DST: variants seen among roughly 807,000 people sequenced by gnomAD.
DST encodes the protein bullous pemphigoid antigen.
A neutral mutation model predicts 875.2 loss-of-function variants in DST; 253 were observed. That is an observed-to-expected ratio of 0.29 (90% CI 0.26 to 0.32). The LOEUF (loss-of-function observed/expected upper bound fraction) is 0.32. DST is among the 10% of genes least tolerant of loss of function. The pLI, the probability that DST is intolerant of heterozygous loss-of-function variation, is 1.00. For synonymous variants in DST, 3,124 were observed against 3,197.1 expected (o/e 0.98, Z 0.77); for missense variants, 8,287 against 9,111.6 (o/e 0.91, Z 3.68).
At chr6:56,688,068 C>T (rs1490686584) in intron 9 of DST, among the ~76,000 whole-genome samples, 1 of 152,060 alleles carries the variant, frequency 6.6e-6, no homozygotes, top group African/African-American at 2.4e-5. Flanking sequence ...ACTTAAAAGG[C>T]AGAGAAAGGC....
chr6:56,471,775 T>G, intron 94 of DST: 1 of 463,938 alleles, frequency 2.2e-6, no homozygotes, highest in Non-Finnish European at 3.9e-6. Flanking sequence ...CAGCAAACAT[T>G]ATGTCAAGTT....
intron 4 of DST, among the ~76,000 whole-genome samples, chr6:56,837,644 CA>C (rs1320917123): frequency 6.6e-6 from 1 of 152,172 alleles, no homozygotes; most frequent in East Asian, 1.9e-4. Flanking sequence ...CATCTTCCTA[CA>C]AATTCTAACC....
intron 4 of DST, among the ~76,000 whole-genome samples, chr6:56,825,186 T>C (rs2099778703): frequency 6.7e-6 from 1 of 150,008 alleles, no homozygotes; most frequent in South Asian, 2.1e-4. Flanking sequence ...ATCCTGTTGA[T>C]CTGTGACCTT....
chr6:56,736,773 G>A (rs1013124259), intron 4 of DST, among the ~76,000 whole-genome samples: 2 of 152,044 alleles, frequency 1.3e-5, no homozygotes, highest in Admixed American at 6.6e-5. Flanking sequence ...GAAAATATAC[G>A]CAATATGAGA....
intron 3 of DST, among the ~76,000 whole-genome samples, chr6:56,872,228 A>C (rs1316403745): frequency 1.3e-5 from 2 of 152,256 alleles, no homozygotes; most frequent in African/African-American, 4.8e-5. Flanking sequence ...AGTTGAAACA[A>C]ATAAACTATA....
intron 69 of DST, among the ~76,000 whole-genome samples, chr6:56,521,477 T>C (rs534959146): frequency 3.7e-4 from 24 of 64,780 alleles, no homozygotes; most frequent in African/African-American, 1.2e-3. Context: ...GTCTTCCCTA[T>C]TTAAAAAAAA....
At chr6:56,740,270 C>G (rs984816725) in intron 4 of DST, among the ~76,000 whole-genome samples, 1 of 152,164 alleles carries the variant, frequency 6.6e-6, no homozygotes, top group African/African-American at 2.4e-5. Flanking sequence ...AATCTGGACC[C>G]CTGTCCTGTA....
At position 56,553,417 on chromosome 6, in the gene DST, T is replaced by C; in HGVS notation, c.15375A>G (p.Leu5125=). 6.2e-7 allele frequency: 1 copy of C among 1,601,278 alleles called. No individual in the cohort carries two copies. Among genetic ancestry groups the C allele is most frequent in the Non-Finnish European group, 8.5e-7 (1 of 1,175,356 alleles). ...EKTIAEGENL[L]LKTQGSEKAA... is the part of the protein sequence containing the mutation. ...CCTTCTCAGACCCTTGTGTTTTTAA[T>C]AACAGATTTTCACCTTCTGCAATGG... The change falls in exon 61 of 104, where the codon TTA becomes TTG. Residue 5125 remains leucine, a synonymous_variant. Transcript: ENST00000680361.
intron 4 of DST, among the ~76,000 whole-genome samples, chr6:56,813,081 G>A (rs552341480): frequency 6.6e-6 from 1 of 152,182 alleles, no homozygotes; most frequent in African/African-American, 2.4e-5. Context: ...CATGTCCTTT[G>A]TAGGGACGTG....
At chr6:56,529,832 G>T in intron 65 of DST, 58 bp from the exon 66 acceptor site, 2 of 1,454,556 alleles carry the variant, frequency 1.4e-6, no homozygotes, top group South Asian at 3.0e-5. Context: ...AAATAAAAAT[G>T]AAAACATAAA....
At chr6:56,672,170 C>G (rs1200478145) in intron 9 of DST, among the ~76,000 whole-genome samples, 1 of 152,178 alleles carries the variant, frequency 6.6e-6, no homozygotes, top group Non-Finnish European at 1.5e-5. Context: ...AGAGGCACAG[C>G]CAATCCAGGG....
chr6:56,661,977 T>C (rs772049167), intron 10 of DST, among the ~76,000 whole-genome samples: 3 of 152,274 alleles, frequency 2.0e-5, no homozygotes, highest in South Asian at 2.1e-4. Context: ...CATGCATGCT[T>C]AGACTAACAG....
At chr6:56,587,096 G>T (rs1445337726) in intron 49 of DST, among the ~76,000 whole-genome samples, 1 of 152,180 alleles carries the variant, frequency 6.6e-6, no homozygotes, top group Non-Finnish European at 1.5e-5. Flanking sequence ...GAAGGCTTCA[G>T]ACGATCAAAC....
At chr6:56,460,086 A>G (rs1386101980) in intron 103 of DST, 45 bp downstream of exon 103, 2 of 1,570,748 alleles carry the variant, frequency 1.3e-6, no homozygotes, top group African/African-American at 1.4e-5. Context: ...TCCTCAGATG[A>G]CCATGCTGCA....
At chr6:56,789,520 C>T (rs533552283) in intron 4 of DST, among the ~76,000 whole-genome samples, 1 of 152,052 alleles carries the variant, frequency 6.6e-6, no homozygotes, top group African/African-American at 2.4e-5. Flanking sequence ...AGTATATTTA[C>T]AATAGTCACA....
At chr6:56,464,641 A>G in intron 100 of DST, 44 bp downstream of exon 100, 1 of 1,344,600 alleles carries the variant, frequency 7.4e-7, no homozygotes, top group South Asian at 1.3e-5. Flanking sequence ...AAAGTAGGAA[A>G]GAGAAAAGGA....
At chr6:56,656,155 C>A (rs1346933900) in intron 10 of DST, among the ~76,000 whole-genome samples, 1 of 152,232 alleles carries the variant, frequency 6.6e-6, no homozygotes, top group Non-Finnish European at 1.5e-5. Context: ...GTTTTAGAAT[C>A]CTTATCGAAA....
chr6:56,921,324 C>A (rs2127740477), intron 2 of DST, among the ~76,000 whole-genome samples: 1 of 152,172 alleles, frequency 6.6e-6, no homozygotes, highest in Non-Finnish European at 1.5e-5. Context: ...GTTCTGTAAT[C>A]ATTTGTTAAA....
At chr6:56,851,117 G>A in intron 4 of DST, 1 of 465,512 alleles carries the variant, frequency 2.1e-6, no homozygotes, top group Non-Finnish European at 3.8e-6. Flanking sequence ...CAGTAATTAG[G>A]AAAGTTTAGT....
Sources: gnomAD v4.1 joint callset for allele counts (sites outside exome capture counted in the v4.1 genomes callset) on GRCh38, gnomAD v4.1.1 for gene constraint, MANE v1.5 for transcripts, NCBI Gene and HGNC (gene_info 2026-07-23, HGNC 2026-07-21) for gene names.